The following RNF13 variants were observed in gnomAD, a reference collection of about 807,000 sequenced individuals.
The protein encoded by RNF13 is ring finger protein 13.
Under a neutral mutation model 37.7 loss-of-function variants are expected in RNF13, and 19 were observed. That is an observed-to-expected ratio of 0.50 (90% CI 0.35 to 0.74). The LOEUF (loss-of-function observed/expected upper bound fraction) is 0.74, where lower values mean the gene tolerates loss of function less well. Ranked by LOEUF, RNF13 falls within the 30% of genes least tolerant of loss-of-function variation. The pLI is 0.01. For missense variants in RNF13, 375 were observed against 453.0 expected, an observed-to-expected ratio of 0.83 and a Z score of 1.56; for synonymous variants, 144 against 157.8, an observed-to-expected ratio of 0.91 and a Z score of 0.65.
chr3:149,853,770 A>G (rs1428914713), intron 3 of RNF13, among the ~76,000 whole-genome samples: 2 of 149,878 alleles, frequency 1.3e-5, no homozygotes, highest in Admixed American at 6.6e-5. Context: ...ATATGAATTC[A>G]TGAAGTTGTG....
intron 8 of RNF13, among the ~76,000 whole-genome samples, chr3:149,932,481 G>A (rs990180270): frequency 7.9e-5 from 12 of 152,164 alleles, no homozygotes; most frequent in South Asian, 2.1e-4. Context: ...CTATTAGCCC[G>A]TAAAATCAAA....
chr3:149,863,766 T>C (rs1210067810), intron 3 of RNF13, among the ~76,000 whole-genome samples: 2 of 152,216 alleles, frequency 1.3e-5, no homozygotes, highest in Non-Finnish European at 2.9e-5. Context: ...TTCTGAACTC[T>C]TGCTGTCAAA....
chr3:149,947,068 G>A (rs979059630), intron 8 of RNF13, among the ~76,000 whole-genome samples: 10 of 152,044 alleles, frequency 6.6e-5, no homozygotes, highest in Non-Finnish European at 1.3e-4. Flanking sequence ...TTGTGGATTT[G>A]CCTGTTTTTT....
At chr3:149,947,384 G>T (rs1023173773) in intron 8 of RNF13, among the ~76,000 whole-genome samples, 2 of 151,228 alleles carry the variant, frequency 1.3e-5, no homozygotes, top group Non-Finnish European at 2.9e-5. Flanking sequence ...GTATTGTGTT[G>T]CTGCTCATTT....
intron 1 of RNF13, among the ~76,000 whole-genome samples, chr3:149,815,603 A>G (rs1293478406): frequency 6.6e-6 from 1 of 152,254 alleles, no homozygotes; most frequent in Non-Finnish European, 1.5e-5. Context: ...ATTCCTTTTA[A>G]TAAAGCATAC....
intron 1 of RNF13, among the ~76,000 whole-genome samples, chr3:149,821,665 AT>A (rs1720008629): frequency 6.6e-6 from 1 of 151,760 alleles, no homozygotes; most frequent in African/African-American, 2.4e-5. Context: ...AATGTTTTGA[AT>A]TTTGATGAAG....
intron 1 of RNF13, among the ~76,000 whole-genome samples, chr3:149,835,997 C>T (rs1430799661): frequency 6.6e-6 from 1 of 152,178 alleles, no homozygotes; most frequent in Non-Finnish European, 1.5e-5. Flanking sequence ...TACTAGTTTA[C>T]ATTCCTGCCA....
At chr3:149,881,271 A>C (rs187060580) in intron 4 of RNF13, among the ~76,000 whole-genome samples, 126 of 152,306 alleles carry the variant, frequency 8.3e-4, no homozygotes, top group African/African-American at 2.8e-3. Flanking sequence ...AGTATTTAAA[A>C]TTGCTTGTCC....
At chr3:149,954,117 A>T (rs1363369086) in intron 8 of RNF13, among the ~76,000 whole-genome samples, 1 of 152,166 alleles carries the variant, frequency 6.6e-6, no homozygotes, top group Non-Finnish European at 1.5e-5. Flanking sequence ...GAGATTTGAC[A>T]TCTTAAGTAA....
At chr3:149,853,159 A>G (rs73870451) in intron 3 of RNF13, among the ~76,000 whole-genome samples, 4,029 of 152,162 alleles carry the variant, frequency 0.026, 69 homozygotes, top group South Asian at 0.035. Context: ...AGTTTTTACT[A>G]TTACAGTGCT....
chr3:149,915,726 C>T (rs374853523), intron 7 of RNF13, among the ~76,000 whole-genome samples: 9 of 152,154 alleles, frequency 5.9e-5, no homozygotes, highest in East Asian at 1.9e-4. Flanking sequence ...CTTTATGCTA[C>T]GTGAAATAAG....
At chr3:149,914,281 T>C (rs1717278218) in intron 7 of RNF13, among the ~76,000 whole-genome samples, 1 of 152,140 alleles carries the variant, frequency 6.6e-6, no homozygotes, top group African/African-American at 2.4e-5. Context: ...GTCCCAGCCC[T>C]AGCATCAGAC....
At chr3:149,880,921 G>A (rs1348813118) in intron 4 of RNF13, among the ~76,000 whole-genome samples, 1 of 152,156 alleles carries the variant, frequency 6.6e-6, no homozygotes, top group Non-Finnish European at 1.5e-5. Flanking sequence ...CCCACCCACA[G>A]TAAGAAGTTT....
At chr3:149,877,444 A>G (rs1433618466) in intron 4 of RNF13, among the ~76,000 whole-genome samples, 2 of 143,978 alleles carry the variant, frequency 1.4e-5, no homozygotes, top group Non-Finnish European at 3.1e-5. Flanking sequence ...TTATTTGATC[A>G]TATCATAATA....
intron 8 of RNF13, among the ~76,000 whole-genome samples, chr3:149,959,753 G>C (rs1278944250): frequency 6.6e-6 from 1 of 152,074 alleles, no homozygotes. Flanking sequence ...ATTTTATCTG[G>C]CATTAAATAT....
chr3:149,903,390 GAAGT>G (rs1236188168), intron 6 of RNF13, among the ~76,000 whole-genome samples: 1 of 151,732 alleles, frequency 6.6e-6, no homozygotes, highest in African/African-American at 2.4e-5. Context: ...TTAAAATTAA[GAAGT>G]AATATATAGA....
chr3:149,859,300 A>G (rs1372840951), intron 3 of RNF13, among the ~76,000 whole-genome samples: 1 of 152,248 alleles, frequency 6.6e-6, no homozygotes, highest in Non-Finnish European at 1.5e-5. Flanking sequence ...TTTCACATGC[A>G]CATAGTTAGA....
intron 8 of RNF13, among the ~76,000 whole-genome samples, chr3:149,947,174 G>A (rs891407101): frequency 6.6e-6 from 1 of 151,964 alleles, no homozygotes; most frequent in Admixed American, 6.6e-5. Flanking sequence ...TTTTTTCGTG[G>A]TCTAATATGT....
chr3:149,887,580 A>G (rs1576825100), intron 4 of RNF13, among the ~76,000 whole-genome samples: 2 of 152,204 alleles, frequency 1.3e-5, no homozygotes, highest in South Asian at 4.1e-4. Context: ...GATTACAGGC[A>G]TGAGCCACCA....
Sources: gnomAD v4.1 joint callset for allele counts (sites outside exome capture counted in the v4.1 genomes callset) on GRCh38, gnomAD v4.1.1 for gene constraint, MANE v1.5 for transcripts, NCBI Gene and HGNC (gene_info 2026-07-23, HGNC 2026-07-21) for gene names.